Variants in KLF12 observed in about 807,000 individuals in gnomAD.
KLF12 encodes the protein Krueppel-like factor 12.
KLF12 carries 9 observed loss-of-function variants against 37.8 expected under a neutral mutation model. The ratio of observed to expected loss-of-function variants is 0.24; its 90% confidence interval spans 0.14 to 0.42. The LOEUF (loss-of-function observed/expected upper bound fraction) is 0.42, where lower values mean the gene tolerates loss of function less well. KLF12 is among the 10% of genes least tolerant of loss of function. The pLI, the probability that KLF12 is intolerant of heterozygous loss-of-function variation, is 1.00. For missense variants in KLF12, 411 were observed against 516.0 expected, an observed-to-expected ratio of 0.80 and a Z score of 1.97; for synonymous variants, 208 against 202.1, an observed-to-expected ratio of 1.03 and a Z score of -0.25.
chr13:73,856,982 TGTCTCA>T (rs2138768848), intron 3 of KLF12, among the ~76,000 whole-genome samples: 2 of 152,132 alleles, frequency 1.3e-5, no homozygotes, highest in African/African-American at 4.8e-5. Flanking sequence ...AGTGAAACCC[TGTCTCA>T]AAAAATAAAA....
intron 1 of KLF12, among the ~76,000 whole-genome samples, chr13:74,079,749 T>C (rs1767984896): frequency 6.6e-6 from 1 of 152,118 alleles, no homozygotes; most frequent in African/African-American, 2.4e-5. Flanking sequence ...AGCAAGAAAG[T>C]GAAAAATCGA....
At chr13:74,213,216 A>G in the KLF12 span, among the ~76,000 whole-genome samples, 2 of 152,124 alleles carry the variant, frequency 1.3e-5, no homozygotes, top group African/African-American at 2.4e-5. Flanking sequence ...TTTTCACTTA[A>G]CAATATACTG....
chr13:73,847,267 C>T (rs1885080643), intron 3 of KLF12, among the ~76,000 whole-genome samples: 1 of 152,102 alleles, frequency 6.6e-6, no homozygotes, highest in African/African-American at 2.4e-5. Flanking sequence ...GAGAATTAGA[C>T]TCTACTGATT....
intron 4 of KLF12, among the ~76,000 whole-genome samples, chr13:73,832,677 C>G (rs1052740858): frequency 6.6e-6 from 1 of 152,296 alleles, no homozygotes; most frequent in East Asian, 1.9e-4. Context: ...ATGGATGCAA[C>G]AAATGGGCCC....
the KLF12 span, among the ~76,000 whole-genome samples, chr13:74,165,655 G>C: frequency 6.6e-6 from 1 of 152,128 alleles, no homozygotes; most frequent in African/African-American, 2.4e-5. Context: ...CACATCACCA[G>C]GTTTAAATCT....
chr13:73,900,151 T>C (rs1404684334), intron 3 of KLF12, among the ~76,000 whole-genome samples: 2 of 152,204 alleles, frequency 1.3e-5, no homozygotes, highest in African/African-American at 4.8e-5. Flanking sequence ...ATTAATACTT[T>C]AGCAAGTTCA....
At chr13:73,730,161 G>A (rs999673580) in intron 6 of KLF12, among the ~76,000 whole-genome samples, 18 of 151,992 alleles carry the variant, frequency 1.2e-4, no homozygotes, top group Admixed American at 7.2e-4. Flanking sequence ...ATCTTTGCCC[G>A]GTGCTCCTTC....
intron 5 of KLF12, among the ~76,000 whole-genome samples, chr13:73,790,090 T>C (rs1221201381): frequency 2.6e-5 from 4 of 152,204 alleles, no homozygotes; most frequent in African/African-American, 4.8e-5. Context: ...TGGTGCATAA[T>C]CACCACTGAG....
At chr13:74,172,182 A>T in the KLF12 span, among the ~76,000 whole-genome samples, 1 of 68,058 alleles carries the variant, frequency 1.5e-5, no homozygotes, top group Admixed American at 1.6e-4. Flanking sequence ...CTCTACTGAC[A>T]TGTGTTCCCA....
chr13:73,991,817 C>T (rs1268772341), intron 2 of KLF12, among the ~76,000 whole-genome samples: 1 of 152,240 alleles, frequency 6.6e-6, no homozygotes, highest in African/African-American at 2.4e-5. Flanking sequence ...GGAAGAAAAG[C>T]TGGATTGCTG....
chr13:73,789,979 A>G (rs1881588656), intron 5 of KLF12, among the ~76,000 whole-genome samples: 1 of 152,080 alleles, frequency 6.6e-6, no homozygotes, highest in Non-Finnish European at 1.5e-5. Flanking sequence ...CCTGGCCTCT[A>G]ATTTTGTACA....
At chr13:74,030,534 TCTA>T (rs1446999644) in intron 1 of KLF12, among the ~76,000 whole-genome samples, 1 of 152,064 alleles carries the variant, frequency 6.6e-6, no homozygotes, top group Non-Finnish European at 1.5e-5. Context: ...TCTGAACACC[TCTA>T]CTGTTTCAGA....
chr13:73,892,250 G>A (rs1398453628), intron 3 of KLF12, among the ~76,000 whole-genome samples: 15 of 152,012 alleles, frequency 9.9e-5, no homozygotes, highest in Non-Finnish European at 2.1e-4. Flanking sequence ...TGAAAATAAT[G>A]GGACAACAAT....
chr13:74,235,408 A>T, the KLF12 span, among the ~76,000 whole-genome samples: 4 of 152,164 alleles, frequency 2.6e-5, no homozygotes, highest in Admixed American at 6.5e-5. Context: ...CCCTATGTTT[A>T]TTTTAAAAGT....
intron 1 of KLF12, among the ~76,000 whole-genome samples, chr13:74,038,489 A>C (rs1593849046): frequency 1.3e-5 from 2 of 152,194 alleles, no homozygotes; most frequent in African/African-American, 4.8e-5. Flanking sequence ...AGGGAAGAGA[A>C]GGTACAATCG....
chr13:73,998,077 T>C (rs989355953), intron 1 of KLF12, among the ~76,000 whole-genome samples: 2 of 152,112 alleles, frequency 1.3e-5, no homozygotes, highest in Non-Finnish European at 2.9e-5. Flanking sequence ...ATATGATCAC[T>C]CAAGTTCCTT....
intron 6 of KLF12, among the ~76,000 whole-genome samples, chr13:73,739,141 G>A (rs1157875798): frequency 6.6e-6 from 1 of 151,924 alleles, no homozygotes; most frequent in Non-Finnish European, 1.5e-5. Flanking sequence ...GGCTGAGGCA[G>A]GAGAATTGCT....
chr13:74,271,728 C>T, the KLF12 span, among the ~76,000 whole-genome samples: 1 of 152,182 alleles, frequency 6.6e-6, no homozygotes, highest in Non-Finnish European at 1.5e-5. Context: ...CAATTTTTCT[C>T]TCACATGACA....
intron 6 of KLF12, among the ~76,000 whole-genome samples, chr13:73,763,930 C>T (rs1220758937): frequency 1.3e-5 from 2 of 152,078 alleles, no homozygotes; most frequent in Admixed American, 6.6e-5. Flanking sequence ...TTAACAACAT[C>T]GCCAAGCTAT....
Sources: gnomAD v4.1 joint callset for allele counts (sites outside exome capture counted in the v4.1 genomes callset) on GRCh38, gnomAD v4.1.1 for gene constraint, MANE v1.5 for transcripts, NCBI Gene and HGNC (gene_info 2026-07-23, HGNC 2026-07-21) for gene names.